The following COL22A1 variants were observed in gnomAD, a reference collection of about 807,000 sequenced individuals.
COL22A1 encodes the protein collagen alpha-1(XXII) chain.
A neutral mutation model predicts 248.9 loss-of-function variants in COL22A1; 221 were observed. That is an observed-to-expected ratio of 0.89 (90% confidence interval 0.80 to 0.99). The LOEUF (loss-of-function observed/expected upper bound fraction) is 0.99. Ranked by LOEUF, COL22A1 falls within the 50% of genes least tolerant of loss-of-function variation. COL22A1 has a pLI of 0.00. For synonymous variants in COL22A1, 891 were observed against 793.4 expected, an observed-to-expected ratio of 1.12 and a Z score of -2.07; for missense variants, 2,240 against 2,179.0, an observed-to-expected ratio of 1.03 and a Z score of -0.56.
At chr8:138,621,515 T>A (rs1232186850) in intron 52 of COL22A1, among the ~76,000 whole-genome samples, 1 of 152,154 alleles carries the variant, frequency 6.6e-6, no homozygotes, top group Non-Finnish European at 1.5e-5. Context: ...AAGACCAGTG[T>A]CCTCAGTTAT....
chr8:138,802,939 G>A lies in COL22A1; in HGVS notation c.1495-5C>T. Reference sequence around the variant, plus strand: ...CCCAATGGCTCCTATGTCTCCCTGAGGGGTTGAGACCAGAGACAAGCATCA... The same window carrying A: ...CCCAATGGCTCCTATGTCTCCCTGAAGGGTTGAGACCAGAGACAAGCATCA... On this transcript the variant is annotated splice_region_variant and splice_polypyrimidine_tract_variant and intron_variant, in intron 10 of 64. Coordinates refer to ENST00000303045, the MANE Select transcript of COL22A1 (RefSeq NM_152888.3). The A allele has an allele frequency of 6.2e-7, 1 of 1,612,554 alleles. No homozygotes were observed. The highest frequency in any genetic ancestry group is 8.5e-7 in the Non-Finnish European group (1 of 1,178,564).
rs539722403 is a variant in COL22A1 at position 138,856,750 on chromosome 8, G to C, written c.659-12592C>G. Among the ~76,000 whole-genome samples, 245 of 152,296 alleles carry C rather than the reference G, an allele frequency of 1.6e-3. 1 individual carries two copies. Among genetic ancestry groups the C allele is most frequent in the Middle Eastern group, 0.01 (3 of 294 alleles). On this transcript the variant is annotated intron_variant, in intron 3 of 64. Transcript: ENST00000303045. Reference sequence around the variant, plus strand: ...GAGACAGAGAGAGGAGCTTTTGTGTGGGCGGCCTGTGGGACACACTCCCAG... The same window carrying C: ...GAGACAGAGAGAGGAGCTTTTGTGTCGGCGGCCTGTGGGACACACTCCCAG...
chr8:138,598,904 G>A lies in COL22A1; in HGVS notation c.4186-6C>T. On this transcript the variant is annotated splice_polypyrimidine_tract_variant and splice_region_variant and intron_variant, in intron 60 of 64. Transcript: ENST00000303045. ...CCTTTGATCCCAGGATCTCCCTAAGGAGGAAATAAGCATGTCAGCATGTGT... is the reference window on the plus strand; with the variant it reads ...CCTTTGATCCCAGGATCTCCCTAAGAAGGAAATAAGCATGTCAGCATGTGT... 6.2e-7 allele frequency: 1 copy of A among 1,614,020 alleles called. No homozygotes were observed. The highest frequency in any genetic ancestry group is 8.5e-7 in the Non-Finnish European group (1 of 1,179,974).
At chr8:138,808,915 C>T (rs1817949213) in intron 9 of COL22A1, among the ~76,000 whole-genome samples, 1 of 152,222 alleles carries the variant, frequency 6.6e-6, no homozygotes, top group African/African-American at 2.4e-5. Flanking sequence ...TATAGAGATG[C>T]AACACCAGGC....
intron 41 of COL22A1, among the ~76,000 whole-genome samples, chr8:138,664,224 C>A (rs1824286530): frequency 6.8e-6 from 1 of 148,116 alleles, no homozygotes; most frequent in African/African-American, 2.5e-5. Context: ...CACACACACA[C>A]ACACACACAC....
At chr8:138,803,581 G>A (rs965612845) in intron 10 of COL22A1, among the ~76,000 whole-genome samples, 1 of 151,748 alleles carries the variant, frequency 6.6e-6, no homozygotes, top group African/African-American at 2.4e-5. Context: ...GAGTCCCCTG[G>A]GCATTCAATT....
intron 3 of COL22A1, among the ~76,000 whole-genome samples, chr8:138,864,373 T>C (rs1822708867): frequency 2.6e-5 from 4 of 151,628 alleles, no homozygotes. Flanking sequence ...GATGAGGCCC[T>C]CCTTGGCTCA....
chr8:138,821,388 T>A lies in COL22A1; in HGVS notation c.993A>T (p.Glu331Asp), dbSNP rs1819115763. The A allele has an allele frequency of 2.5e-6, 4 of 1,613,520 alleles. No individual in the cohort carries two copies. The highest frequency in any genetic ancestry group is 1.7e-4 in the Middle Eastern group (1 of 6,060). The change falls in exon 7 of 65, where the codon GAA becomes GAT. Residue 331 changes from glutamate to aspartate, a missense_variant. Transcript: ENST00000303045. ...CAGCGTTGTACTCGACTGCCTTGTT[T>A]TCACCATCCAGCCGGATGGAGACCT... ...IPQVSIRLDG[E>D]NKAVEYNAVG...
chr8:138,626,176 T>C lies in COL22A1; in HGVS notation c.3717+14A>G, dbSNP rs1820220734. On this transcript the variant is annotated intron_variant, in intron 51 of 64. Coordinates refer to ENST00000303045, the MANE Select transcript of COL22A1 (RefSeq NM_152888.3). The stretch of plus-strand genomic sequence containing the variant: ...GTTTGTTTTTGTTTGTTTGTTTTTA[T>C]AAAAGCCACTTACTGGGATTCCGGG... The C allele has an allele frequency of 1.3e-6, 2 of 1,583,858 alleles. No homozygotes were observed. The highest frequency in any genetic ancestry group is 1.7e-6 in the Non-Finnish European group (2 of 1,169,440).
intron 11 of COL22A1, among the ~76,000 whole-genome samples, 164 bp from the exon 12 acceptor site, chr8:138,797,021 TTC>T (rs1225627973): frequency 6.6e-6 from 1 of 152,238 alleles, no homozygotes; most frequent in Non-Finnish European, 1.5e-5. Context: ...TGAGTGTGCA[TTC>T]TCATGAGTAT....
intron 48 of COL22A1, among the ~76,000 whole-genome samples, chr8:138,636,397 AG>A (rs1380738206): frequency 6.6e-6 from 1 of 151,276 alleles, no homozygotes. Flanking sequence ...GGAGGGAAGA[AG>A]GGGGAATTTT....
chr8:138,736,451 G>A lies in COL22A1; in HGVS notation c.2139+1073C>T, dbSNP rs148732287. On this transcript the variant is annotated intron_variant, in intron 23 of 64. Transcript: ENST00000303045. ...GAAGACTAAGACAGTTTAGGGCCTCGGTCATGCAGGGAGGAAGGGATTTGA... is the reference window on the plus strand; with the variant it reads ...GAAGACTAAGACAGTTTAGGGCCTCAGTCATGCAGGGAGGAAGGGATTTGA... Among the ~76,000 whole-genome samples the A allele has an allele frequency of 2.2e-3, 328 of 152,154 alleles. 3 individuals are homozygous for A. Among genetic ancestry groups the A allele is most frequent in the African/African-American group, 7.1e-3 (294 of 41,528 alleles).
chr8:138,729,008 GA>G (rs1830522839), intron 23 of COL22A1, among the ~76,000 whole-genome samples: 1 of 152,022 alleles, frequency 6.6e-6, no homozygotes, highest in African/African-American at 2.4e-5. Flanking sequence ...CCGGGAGAGA[GA>G]AAAAAACCAG....
chr8:138,713,408 A>G (rs186443796), intron 30 of COL22A1, among the ~76,000 whole-genome samples: 1 of 152,222 alleles, frequency 6.6e-6, no homozygotes, highest in South Asian at 2.1e-4. Context: ...GAAGATCACC[A>G]GAGTGAGCAA....
chr8:138,646,020 A>G (rs1298730088), intron 47 of COL22A1, among the ~76,000 whole-genome samples: 1 of 152,186 alleles, frequency 6.6e-6, no homozygotes, highest in Non-Finnish European at 1.5e-5. Flanking sequence ...CACCACCAAC[A>G]GCTCAAACAG....
chr8:138,855,413 C>T (rs999729114), intron 3 of COL22A1, among the ~76,000 whole-genome samples: 2 of 152,218 alleles, frequency 1.3e-5, no homozygotes, highest in African/African-American at 4.8e-5. Flanking sequence ...CAGTGTGGCT[C>T]CAGGGGCCCT....
intron 41 of COL22A1, among the ~76,000 whole-genome samples, chr8:138,667,104 G>C (rs1419900035): frequency 2.0e-5 from 3 of 152,222 alleles, no homozygotes; most frequent in Admixed American, 6.5e-5. Flanking sequence ...AAGGTGTGCT[G>C]AAGAAGGGGA....
chr8:138,863,659 G>A (rs1004919904), intron 3 of COL22A1, among the ~76,000 whole-genome samples: 2 of 152,208 alleles, frequency 1.3e-5, no homozygotes, highest in African/African-American at 4.8e-5. Flanking sequence ...CGGGGAGCCT[G>A]CAGGGCTCCG....
At chr8:138,630,668 A>G in intron 50 of COL22A1, 27 bp downstream of exon 50, 1 of 1,608,460 alleles carries the variant, frequency 6.2e-7, no homozygotes, top group Middle Eastern at 1.7e-4. Context: ...CAGATTAAAA[A>G]CAGATCCCAT....
Sources: allele counts gnomAD v4.1 joint callset (sites outside exome capture counted in the v4.1 genomes callset), GRCh38; gene constraint gnomAD v4.1.1; transcripts MANE v1.5; gene names NCBI Gene and HGNC (gene_info 2026-07-23, HGNC 2026-07-21).